The following PNLIPRP3 variants were observed in gnomAD, a reference collection of about 807,000 sequenced individuals.
PNLIPRP3 encodes the protein pancreatic lipase related protein 3.
PNLIPRP3 carries 58 observed loss-of-function variants against 52.8 expected under a neutral mutation model. The observed-to-expected ratio is 1.10, with a 90% confidence interval of 0.89 to 1.37. The LOEUF is 1.37. PNLIPRP3 is among the 40% of genes most tolerant of loss of function. The pLI, the probability that PNLIPRP3 is intolerant of heterozygous loss-of-function variation, is 0.00. For missense variants in PNLIPRP3, 593 were observed against 561.6 expected, an observed-to-expected ratio of 1.06 and a Z score of -0.57; for synonymous variants, 192 against 185.0, an observed-to-expected ratio of 1.04 and a Z score of -0.31.
chr10:116,460,041 C>A (rs946820369), intron 5 of PNLIPRP3, among the ~76,000 whole-genome samples: 1 of 152,188 alleles, frequency 6.6e-6, no homozygotes, highest in Non-Finnish European at 1.5e-5. Context: ...GCTGGGATTA[C>A]AGGTGTGAGC....
At chr10:116,448,335 G>T (rs1845986232) in intron 4 of PNLIPRP3, among the ~76,000 whole-genome samples, 1 of 152,076 alleles carries the variant, frequency 6.6e-6, no homozygotes, top group African/African-American at 2.4e-5. Flanking sequence ...AAATTAAGTT[G>T]TTATCTCCTT....
At chr10:116,437,078 T>TTA (rs111851960) in intron 2 of PNLIPRP3, among the ~76,000 whole-genome samples, 19,255 of 152,164 alleles carry the variant, frequency 0.13, 1,491 homozygotes, top group Admixed American at 0.25. Flanking sequence ...AAGATTGCTC[T>TTA]TATGTTATTT....
At chr10:116,472,571 G>T (rs770219111) in intron 10 of PNLIPRP3, among the ~76,000 whole-genome samples, 3 of 152,174 alleles carry the variant, frequency 2.0e-5, no homozygotes, top group Non-Finnish European at 4.4e-5. Context: ...CAAACACTGG[G>T]CACAGGCACG....
chr10:116,450,878 C>G (rs1846024397), intron 4 of PNLIPRP3, among the ~76,000 whole-genome samples: 1 of 151,306 alleles, frequency 6.6e-6, no homozygotes, highest in Non-Finnish European at 1.5e-5. Context: ...AAGCTATCTA[C>G]AGATTCAACG....
rs184623736 is a variant in PNLIPRP3, at chr10:116,440,674, C to G, written c.205-2381C>G. The stretch of plus-strand genomic sequence containing the variant: ...GGTAAATGTGGTGTGGTACGATAAA[C>G]TTGGTCTTCTGGAGGTCACAGGTCT... On this transcript the variant is annotated intron_variant, in intron 2 of 11. Coordinates refer to ENST00000369230, the MANE Select transcript of PNLIPRP3 (RefSeq NM_001011709.3). Among the ~76,000 whole-genome samples the G allele has an allele frequency of 7.9e-5, 12 of 152,274 alleles. No homozygotes were observed. The East Asian group carries it at 2.1e-3, about 27-fold the overall frequency.
At chr10:116,437,111 ATG>A (rs1302086543) in intron 2 of PNLIPRP3, among the ~76,000 whole-genome samples, 1 of 152,158 alleles carries the variant, frequency 6.6e-6, no homozygotes, top group Non-Finnish European at 1.5e-5. Context: ...ACTTGATATT[ATG>A]TTCAGTCAAT....
At chr10:116,429,948 G>T (rs2133106231) in intron 1 of PNLIPRP3, among the ~76,000 whole-genome samples, 1 of 152,292 alleles carries the variant, frequency 6.6e-6, no homozygotes, top group East Asian at 1.9e-4. Context: ...CAGCATCCTA[G>T]AAGTCAATTT....
At position 116,436,797 on chromosome 10, in the gene PNLIPRP3, C is replaced by A; in HGVS notation, c.136C>A (p.Pro46Thr). ...TTTCTCAACAGAGTTGGTAGGTTTA[C>A]CCTGGTCTCCAGAGAAGATAAACAC... is the stretch of plus-strand genomic sequence containing the variant. ...RTFSTELVGL[P>T]WSPEKINTRF... Residue 46 changes from proline to threonine, a missense_variant, in exon 2 of 12, where the codon CCC becomes ACC. Physicochemically the swap from Pro to Thr is conservative, Grantham distance 38. Transcript: ENST00000369230. 1 of 1,613,780 alleles carries A rather than the reference C, an allele frequency of 6.2e-7. No homozygotes were observed. The highest frequency in any genetic ancestry group is 8.5e-7 in the Non-Finnish European group (1 of 1,179,794).
At chr10:116,475,867 T>G (rs2133163363) in intron 10 of PNLIPRP3, among the ~76,000 whole-genome samples, 1 of 152,348 alleles carries the variant, frequency 6.6e-6, no homozygotes, top group Admixed American at 6.5e-5. Flanking sequence ...CTTAATCATT[T>G]ACTAACTATA....
intron 11 of PNLIPRP3, 127 bp from the exon 12 acceptor site, chr10:116,476,963 A>T: frequency 8.5e-7 from 1 of 1,175,288 alleles, no homozygotes; most frequent in Non-Finnish European, 1.2e-6. Context: ...AAAGTTAAGA[A>T]ACCAATGCTA....
intron 5 of PNLIPRP3, 123 bp downstream of exon 5, chr10:116,455,953 A>G (rs866935896): frequency 4.1e-6 from 3 of 739,912 alleles, no homozygotes; most frequent in African/African-American, 1.8e-5. Flanking sequence ...TGTGATTCCA[A>G]TGAAATAAAA....
At chr10:116,451,232 T>C (rs1846032192) in intron 4 of PNLIPRP3, among the ~76,000 whole-genome samples, 1 of 152,110 alleles carries the variant, frequency 6.6e-6, no homozygotes, top group South Asian at 2.1e-4. Context: ...TAAAAATGAA[T>C]TAAATTTGAC....
At chr10:116,438,602 AATC>A (rs1735352685) in intron 2 of PNLIPRP3, among the ~76,000 whole-genome samples, 1 of 152,222 alleles carries the variant, frequency 6.6e-6, no homozygotes, top group African/African-American at 2.4e-5. Flanking sequence ...ATTTGGAAAG[AATC>A]ATGTGTAGTT....
intron 9 of PNLIPRP3, among the ~76,000 whole-genome samples, chr10:116,470,581 C>A (rs1397788009): frequency 6.6e-6 from 1 of 150,546 alleles, no homozygotes; most frequent in Non-Finnish European, 1.5e-5. Flanking sequence ...GCGATCTCGG[C>A]TCACTGCAAG....
At chr10:116,454,142 G>A (rs1006986828) in intron 4 of PNLIPRP3, among the ~76,000 whole-genome samples, 13 of 151,910 alleles carry the variant, frequency 8.6e-5, no homozygotes, top group Admixed American at 3.9e-4. Context: ...GATTTGAGAC[G>A]GAGTTTCGCT....
intron 5 of PNLIPRP3, among the ~76,000 whole-genome samples, chr10:116,457,414 A>G (rs1253711920): frequency 3.3e-5 from 5 of 151,998 alleles, no homozygotes; most frequent in Non-Finnish European, 7.4e-5. Flanking sequence ...TTCAAATCTC[A>G]ATTTAGAACA....
chr10:116,428,155 T>A, intron 1 of PNLIPRP3, 94 bp downstream of exon 1: 2 of 883,690 alleles, frequency 2.3e-6, no homozygotes, highest in Non-Finnish European at 1.8e-6. Context: ...TAGAAATTAC[T>A]ATTGCTAATT....
At position 116,460,972 on chromosome 10, in the gene PNLIPRP3, A is replaced by G. The variant is rs1222282011; in HGVS notation, c.572A>G (p.Asp191Gly). Residue 191 changes from aspartate to glycine, a missense_variant, in exon 6 of 12, where the codon GAC (aspartate) becomes GGC (glycine). Physicochemically the swap from Asp to Gly is moderately conservative, Grantham distance 94 (BLOSUM62 -1). Transcript: ENST00000369230. ...TTGGTTGTGCTTTCTCTAGGGTTGG[A>G]CCCAGCTGGGCCATTTTTCCACAAC... Reference protein sequence around the residue: ...IPGLGRITGLDPAGPFFHNTP... With the variant: ...IPGLGRITGLGPAGPFFHNTP... The G allele has an allele frequency of 1.9e-6, 3 of 1,613,990 alleles. No individual in the cohort carries two copies. The African/African-American group carries it at 4.0e-5, about 22-fold the overall frequency.
intron 5 of PNLIPRP3, 43 bp from the exon 6 acceptor site, chr10:116,460,923 A>C (rs763729110): frequency 6.3e-7 from 1 of 1,598,158 alleles, no homozygotes; most frequent in Non-Finnish European, 8.5e-7. Flanking sequence ...AACAATATTA[A>C]TGTGCACTTC....
Sources: allele counts gnomAD v4.1 joint callset (sites outside exome capture counted in the v4.1 genomes callset), GRCh38; gene constraint gnomAD v4.1.1; transcripts MANE v1.5; gene names NCBI Gene and HGNC (gene_info 2026-07-23, HGNC 2026-07-21).